The following LBHD1 variants were observed in gnomAD, a reference collection of about 807,000 sequenced individuals.
The protein encoded by LBHD1 is LBH domain containing 1, also known as LBH domain-containing protein 1.
LBHD1 carries 28 observed loss-of-function variants against 31.1 expected under a neutral mutation model. The observed-to-expected ratio is 0.90, with a 90% CI of 0.67 to 1.24. The LOEUF is 1.24. Ranked by LOEUF, LBHD1 falls within the 50% of genes most tolerant of loss-of-function variation. The pLI, the probability that LBHD1 is intolerant of heterozygous loss-of-function variation, is 0.00. For missense variants in LBHD1, 350 were observed against 323.0 expected, an observed-to-expected ratio of 1.08 and a Z score of -0.64; for synonymous variants, 105 against 116.5, an observed-to-expected ratio of 0.90 and a Z score of 0.63.
At chr11:62,664,177 A>T (rs1010804863) in intron 5 of LBHD1, among the ~76,000 whole-genome samples, 2 of 151,868 alleles carry the variant, frequency 1.3e-5, no homozygotes, top group Admixed American at 6.6e-5. Flanking sequence ...TTACAAGTGA[A>T]ATCCTATGAG....
At position 62,666,969 on chromosome 11, in the gene LBHD1, A is replaced by G. The variant is rs773778431; in HGVS notation, c.538+554T>C. The G allele has an allele frequency of 5.0e-6, 8 of 1,614,064 alleles. No homozygotes were observed. The African/African-American group carries it at 6.7e-5, about 13-fold the overall frequency. On this transcript the variant is annotated intron_variant, in intron 4 of 6. Transcript: ENST00000354588. ...CTGCCCTGCCTGGAACAAGGGTCCT[A>G]TGGCTGGACTGTGACTGTGCAGGAG...
At chr11:62,666,107 C>T (rs1944802494) in intron 4 of LBHD1, 12 of 892,192 alleles carry the variant, frequency 1.3e-5, no homozygotes, top group Admixed American at 5.4e-5. Flanking sequence ...TAACACTTTG[C>T]CAGGCCGAGG....
intron 1 of LBHD1, chr11:62,670,883 C>T (rs189986148): frequency 1.1e-3 from 178 of 166,702 alleles, no homozygotes; most frequent in Admixed American, 3.0e-3. Context: ...TGCACTCCAG[C>T]TGGGCAACAG....
chr11:62,669,562 G>C (rs1164034371), intron 3 of LBHD1, 79 bp downstream of exon 3: 3 of 1,544,710 alleles, frequency 1.9e-6, no homozygotes, highest in Admixed American at 3.9e-5. Flanking sequence ...TGAATGCAGG[G>C]GCCGTAACTG....
intron 4 of LBHD1, chr11:62,666,344 G>A (rs752433647): frequency 4.4e-6 from 7 of 1,582,244 alleles, no homozygotes; most frequent in Non-Finnish European, 6.0e-6. Context: ...TATATACGAC[G>A]TTTTTGCAGT....
rs1274323638 is a variant in LBHD1 at position 62,667,308 on chromosome 11, C to T, written c.538+215G>A. ...AAATGAATGCTGAAAAGAGAAGGTA[C>T]AATTGGGTCATTCCCCAGTTTCAAC... is the stretch of plus-strand genomic sequence containing the variant. On this transcript the variant is annotated intron_variant, in intron 4 of 6. Transcript: ENST00000354588. 4 of 643,326 alleles carry T rather than the reference C, an allele frequency of 6.2e-6. No individual in the cohort carries two copies. In the South Asian group the frequency reaches 8.0e-5, roughly 13 times the overall value. 39.9% of individuals were successfully genotyped at this position (643,326 alleles called of 1,614,324 possible). A position where few individuals can be genotyped will look rare whatever the true frequency, so the allele number is the denominator to read the frequency against.
intron 4 of LBHD1, chr11:62,665,867 C>G (rs767605267): frequency 1.9e-6 from 3 of 1,612,578 alleles, no homozygotes; most frequent in Middle Eastern, 1.7e-4. Flanking sequence ...GTCGAACTTA[C>G]CCGAATCTCC....
rs200200478 is a variant in LBHD1, at chr11:62,671,024, TG to T, written c.-11+539del. 13 of 267,254 alleles carry T rather than the reference TG, an allele frequency of 4.9e-5. No homozygotes were observed. The East Asian group carries it at 1.2e-3, about 25-fold the overall frequency. The allele number at this position is 267,254 out of a possible 1,614,324, so 16.6% of individuals were successfully genotyped here. On this transcript the variant is annotated intron_variant, in intron 1 of 6. Coordinates refer to ENST00000354588, the MANE Select transcript of LBHD1 (RefSeq NM_024099.5). Reference sequence around the variant, plus strand: ...TGAGGCAGGAGGATCGCTTGGGCCCTGGAAGTCGAGGCTTCAGTGAGCCATG... The same window carrying T: ...TGAGGCAGGAGGATCGCTTGGGCCCTGAAGTCGAGGCTTCAGTGAGCCATG...
intron 4 of LBHD1, chr11:62,667,315 G>A (rs1944847134): frequency 9.3e-6 from 6 of 647,448 alleles, no homozygotes; most frequent in Non-Finnish European, 1.3e-5. Context: ...GTACAATTGG[G>A]TCATTCCCCA....
At position 62,664,883 on chromosome 11, in the gene LBHD1, C is replaced by T. The variant is rs757950584; in HGVS notation, c.629G>A (p.Arg210Lys). The change falls in exon 5 of 7, where the codon AGG becomes AAG. Residue 210 changes from arginine (R) to lysine (K), a missense_variant. Coordinates refer to ENST00000354588, the MANE Select transcript of LBHD1 (RefSeq NM_024099.5). ...APGGRGCDRP[R>K]ADHAAPPQEA... ...TTGAGGTGGTGCCGCGTGATCAGCC[C>T]TTGGTCTATCACAGCCCCGACCACC... 62 of 1,586,246 alleles carry T rather than the reference C, an allele frequency of 3.9e-5. No homozygotes were observed. Among genetic ancestry groups the T allele is most frequent in the Non-Finnish European group, 5.3e-5 (62 of 1,166,380 alleles).
rs757354741 is a variant in LBHD1 at position 62,671,824 on chromosome 11, A to C, written c.-271T>G. ...TGGCGTGGGCTACGCGCTCCTCGTT[A>C]TCGTGACCCCGGGAGAGCGGCGGAA... On this transcript the variant is annotated 5_prime_UTR_variant, in exon 1 of 7. Coordinates refer to ENST00000354588, the MANE Select transcript of LBHD1 (RefSeq NM_024099.5). The C allele has an allele frequency of 6.2e-7, 1 of 1,614,086 alleles. No homozygotes were observed. The highest frequency in any genetic ancestry group is 8.5e-7 in the Non-Finnish European group (1 of 1,180,010).
chr11:62,665,794 C>T (rs1003009191), intron 4 of LBHD1: 44 of 1,558,716 alleles, frequency 2.8e-5, no homozygotes, highest in Non-Finnish European at 2.5e-5. Context: ...ATTTGCAGAT[C>T]TTCCCCTGGA....
chr11:62,665,151 T>C (rs1213310108), intron 4 of LBHD1, 178 bp from the exon 5 acceptor site: 2 of 957,038 alleles, frequency 2.1e-6, no homozygotes, highest in East Asian at 2.6e-5. Context: ...CGGTTGATCT[T>C]TCCCCCCGGA....
intron 4 of LBHD1, chr11:62,667,088 G>A: frequency 6.6e-7 from 1 of 1,525,686 alleles, no homozygotes; most frequent in Non-Finnish European, 8.8e-7. Context: ...TATTTCTGTG[G>A]GCAAGGAGAG....
intron 1 of LBHD1, 108 bp from the exon 2 acceptor site, chr11:62,670,149 T>TG (rs760475952): frequency 8.5e-7 from 1 of 1,180,152 alleles, no homozygotes; most frequent in Non-Finnish European, 1.2e-6. Context: ...GCACCGACTG[T>TG]GCTAAGCGAT....
At chr11:62,666,102 C>T (rs1565126853) in intron 4 of LBHD1, 2 of 915,736 alleles carry the variant, frequency 2.2e-6, no homozygotes, top group African/African-American at 3.3e-5. Context: ...AATGCTAACA[C>T]TTTGCCAGGC....
intron 5 of LBHD1, 90 bp from the exon 6 acceptor site, chr11:62,663,423 TA>T (rs1944706760): frequency 7.3e-7 from 1 of 1,373,928 alleles, no homozygotes; most frequent in East Asian, 2.3e-5. Context: ...AAGTATTAAA[TA>T]GGCTGGGCGC....
chr11:62,671,386 C>A (rs1590854974), intron 1 of LBHD1, 178 bp downstream of exon 1: 1 of 1,269,948 alleles, frequency 7.9e-7, no homozygotes, highest in East Asian at 5.4e-5. Context: ...ACAGCTCGGG[C>A]CTCTACTGAT....
chr11:62,667,256 A>C (rs973719485), intron 4 of LBHD1: 1 of 642,524 alleles, frequency 1.6e-6, no homozygotes, highest in Non-Finnish European at 2.7e-6. Context: ...GAGATTACAT[A>C]CAATGATGTG....
Sources: allele counts gnomAD v4.1 joint callset (sites outside exome capture counted in the v4.1 genomes callset), GRCh38; gene constraint gnomAD v4.1.1; transcripts MANE v1.5; gene names NCBI Gene and HGNC (gene_info 2026-07-23, HGNC 2026-07-21).